The following MACROD2 variants were observed in gnomAD, a reference collection of about 807,000 sequenced individuals.
The protein encoded by MACROD2 is ADP-ribose glycohydrolase MACROD2.
In MACROD2, 36 loss-of-function variants were observed where a neutral mutation model predicts 70.4. The observed-to-expected ratio is 0.51, with a 90% CI of 0.39 to 0.68. The LOEUF is 0.68. Among genes scored for constraint, MACROD2 ranks in the 30% least tolerant of loss-of-function variants. The probability of loss-of-function intolerance (pLI) is 0.00; values close to 1 mark genes in which losing one functional copy is unlikely to be tolerated. For synonymous variants in MACROD2, 172 were observed against 178.8 expected (o/e 0.96, Z 0.30); for missense variants, 496 against 538.4 (o/e 0.92, Z 0.78).
At chr20:14,149,646 G>T (rs145922167) in intron 3 of MACROD2, among the ~76,000 whole-genome samples, 4 of 152,084 alleles carry the variant, frequency 2.6e-5, no homozygotes, top group African/African-American at 9.7e-5. Context: ...TATAGCCAAT[G>T]TGTGTTGTTT....
chr20:15,465,028 A>G (rs966365877), intron 7 of MACROD2, among the ~76,000 whole-genome samples: 2 of 152,088 alleles, frequency 1.3e-5, no homozygotes, highest in South Asian at 2.1e-4. Context: ...AGTAAAAGCT[A>G]GCTTGTACCT....
chr20:14,095,109 T>A (rs1382096407), intron 3 of MACROD2, among the ~76,000 whole-genome samples: 1 of 152,254 alleles, frequency 6.6e-6, no homozygotes, highest in East Asian at 1.9e-4. Flanking sequence ...CTTGAATGAG[T>A]GTCAGTACTA....
At chr20:15,211,727 CT>C (rs1189772138) in intron 5 of MACROD2, among the ~76,000 whole-genome samples, 39 of 152,246 alleles carry the variant, frequency 2.6e-4, no homozygotes, top group African/African-American at 9.1e-4. Context: ...CCTGTACAGC[CT>C]GCAGAACTGG....
chr20:14,584,079 A>G (rs1363299897), intron 4 of MACROD2, among the ~76,000 whole-genome samples: 2 of 152,110 alleles, frequency 1.3e-5, no homozygotes, highest in African/African-American at 2.4e-5. Flanking sequence ...AACTATGCCC[A>G]TTACTATTCC....
At chr20:15,283,312 G>C (rs1307550152) in intron 6 of MACROD2, among the ~76,000 whole-genome samples, 1 of 152,192 alleles carries the variant, frequency 6.6e-6, no homozygotes. Flanking sequence ...GTAAGACTTA[G>C]TTCAAACTTT....
intron 6 of MACROD2, among the ~76,000 whole-genome samples, chr20:15,363,662 A>G (rs2078378510): frequency 6.6e-6 from 1 of 152,216 alleles, no homozygotes; most frequent in Admixed American, 6.5e-5. Context: ...CCTGCCTGAC[A>G]TGCTCAGATT....
At chr20:15,388,185 T>C (rs565747214) in intron 6 of MACROD2, among the ~76,000 whole-genome samples, 1 of 151,722 alleles carries the variant, frequency 6.6e-6, no homozygotes, top group East Asian at 1.9e-4. Context: ...AAGGGGAGGC[T>C]GAAAAGGGAG....
intron 8 of MACROD2, among the ~76,000 whole-genome samples, chr20:15,534,448 G>T (rs998105910): frequency 6.6e-6 from 1 of 152,110 alleles, no homozygotes; most frequent in Non-Finnish European, 1.5e-5. Flanking sequence ...TTTTAAAATA[G>T]CAACATGTTT....
intron 5 of MACROD2, among the ~76,000 whole-genome samples, chr20:14,705,669 T>G (rs2123648477): frequency 6.6e-6 from 1 of 152,318 alleles, no homozygotes; most frequent in East Asian, 1.9e-4. Context: ...CAGAAGTAAT[T>G]GGGAATAAAA....
At chr20:15,358,909 T>A (rs1245644781) in intron 6 of MACROD2, among the ~76,000 whole-genome samples, 3 of 152,028 alleles carry the variant, frequency 2.0e-5, no homozygotes, top group Non-Finnish European at 4.4e-5. Flanking sequence ...CCTCCAGTAC[T>A]CTCCCACTGG....
At chr20:14,408,160 A>C (rs899999061) in intron 3 of MACROD2, among the ~76,000 whole-genome samples, 1 of 152,194 alleles carries the variant, frequency 6.6e-6, no homozygotes, top group South Asian at 2.1e-4. Context: ...ATCTGTGCAC[A>C]CTTAGTGTGC....
intron 4 of MACROD2, among the ~76,000 whole-genome samples, chr20:14,639,174 A>G (rs1984956864): frequency 6.6e-6 from 1 of 152,112 alleles, no homozygotes; most frequent in South Asian, 2.1e-4. Flanking sequence ...GAGGTAGAAG[A>G]ATTTATAAGT....
intron 2 of MACROD2, among the ~76,000 whole-genome samples, chr20:14,057,685 T>C (rs968484199): frequency 2.6e-5 from 4 of 152,172 alleles, no homozygotes; most frequent in African/African-American, 9.7e-5. Context: ...TCGATAGGAA[T>C]TCATGCAGAT....
chr20:15,777,539 T>A (rs2051746672), intron 8 of MACROD2, among the ~76,000 whole-genome samples: 1 of 84,956 alleles, frequency 1.2e-5, no homozygotes, highest in Non-Finnish European at 2.5e-5. Context: ...CCTTCCTTCC[T>A]TCCTTCCTTC....
chr20:14,686,580 A>G (rs2071005124), intron 5 of MACROD2, among the ~76,000 whole-genome samples: 1 of 152,188 alleles, frequency 6.6e-6, no homozygotes, highest in Non-Finnish European at 1.5e-5. Context: ...CATACTTACC[A>G]TTGTGTTACA....
chr20:14,471,387 T>C (rs771105448), intron 3 of MACROD2, among the ~76,000 whole-genome samples: 4 of 152,330 alleles, frequency 2.6e-5, no homozygotes, highest in Non-Finnish European at 4.4e-5. Flanking sequence ...GCCAGCCCTT[T>C]CTGATAGATT....
At chr20:14,324,336 C>T (rs1457364175) in intron 3 of MACROD2, 2 of 151,674 alleles carry the variant, frequency 1.3e-5, no homozygotes, top group Non-Finnish European at 2.9e-5. Flanking sequence ...GGTTTTTCAA[C>T]AAGTAACAGC....
intron 8 of MACROD2, among the ~76,000 whole-genome samples, chr20:15,535,576 A>G (rs1035347600): frequency 3.3e-5 from 5 of 152,204 alleles, no homozygotes; most frequent in African/African-American, 1.2e-4. Context: ...TTATACTGAG[A>G]GCTTCACAAC....
chr20:15,216,051 G>A (rs902709843), intron 5 of MACROD2, among the ~76,000 whole-genome samples: 23 of 152,034 alleles, frequency 1.5e-4, no homozygotes, highest in African/African-American at 5.3e-4. Context: ...AAAATGTCCT[G>A]TCCTGAATAA....
Sources: gnomAD v4.1 joint callset for allele counts (sites outside exome capture counted in the v4.1 genomes callset) on GRCh38, gnomAD v4.1.1 for gene constraint, MANE v1.5 for transcripts, NCBI Gene and HGNC (gene_info 2026-07-23, HGNC 2026-07-21) for gene names.